Variants in CACNA1A observed in about 807,000 individuals in gnomAD.
CACNA1A encodes voltage-dependent P/Q-type calcium channel subunit alpha-1A.
In CACNA1A, 57 loss-of-function variants were observed where a neutral mutation model predicts 262.4. That is an observed-to-expected ratio of 0.22 (90% CI 0.18 to 0.27). CACNA1A has a LOEUF of 0.27. Among genes scored for constraint, CACNA1A ranks in the 10% least tolerant of loss-of-function variants. The pLI, the probability that CACNA1A is intolerant of heterozygous loss-of-function variation, is 1.00. For missense variants in CACNA1A, 2,526 were observed against 3,562.8 expected (o/e 0.71, Z 7.41); for synonymous variants, 1,431 against 1,419.3 (o/e 1.01, Z -0.18).
At chr19:13,372,610 T>G (rs2059344037) in intron 3 of CACNA1A, among the ~76,000 whole-genome samples, 1 of 152,130 alleles carries the variant, frequency 6.6e-6, no homozygotes, top group South Asian at 2.1e-4. Flanking sequence ...TGCCTCAGTT[T>G]CCCCCTTTTG....
At chr19:13,234,028 C>CGA (rs2055767282) in intron 34 of CACNA1A, among the ~76,000 whole-genome samples, 1 of 113,270 alleles carries the variant, frequency 8.8e-6, no homozygotes, top group Non-Finnish European at 1.7e-5. Context: ...CCAGCCTGGG[C>CGA]AACAGAGAGA....
At chr19:13,434,770 C>G (rs1003463458) in intron 3 of CACNA1A, among the ~76,000 whole-genome samples, 1 of 151,956 alleles carries the variant, frequency 6.6e-6, no homozygotes, top group Non-Finnish European at 1.5e-5. Context: ...TTACCCCAGT[C>G]TCAGGGTTTT....
chr19:13,425,629 C>T (rs1436183895), intron 3 of CACNA1A, among the ~76,000 whole-genome samples: 2 of 152,188 alleles, frequency 1.3e-5, no homozygotes, highest in Non-Finnish European at 2.9e-5. Context: ...GACCTAAATT[C>T]TCAACACATT....
intron 7 of CACNA1A, 81 bp downstream of exon 7, chr19:13,335,725 C>T (rs2058553566): frequency 4.3e-6 from 4 of 930,412 alleles, no homozygotes; most frequent in Admixed American, 4.1e-5. Flanking sequence ...TGAATGAAAA[C>T]AAAGCTTCAA....
At chr19:13,471,987 G>A (rs1370960741) in intron 1 of CACNA1A, among the ~76,000 whole-genome samples, 1 of 152,158 alleles carries the variant, frequency 6.6e-6, no homozygotes, top group African/African-American at 2.4e-5. Context: ...TATTGAGACA[G>A]GATCTCACTC....
At position 13,235,282 on chromosome 19, in the gene CACNA1A, G is replaced by GA; in HGVS notation, c.5068-9dup. The GA allele has an allele frequency of 1.3e-6, 2 of 1,582,566 alleles. No homozygotes were observed. The highest frequency in any genetic ancestry group is 1.8e-5 in the Admixed American group (1 of 54,122). ...ACAGACATAAGGCAGGGCCTGGTGG[G>GA]AAAAAAGGCAATGAAGAAGAGTGCT... On this transcript the variant is annotated splice_polypyrimidine_tract_variant and intron_variant, in intron 32 of 46. Transcript: ENST00000360228.
intron 6 of CACNA1A, among the ~76,000 whole-genome samples, chr19:13,358,914 C>G (rs2059054207): frequency 6.6e-6 from 1 of 152,170 alleles, no homozygotes; most frequent in South Asian, 2.1e-4. Flanking sequence ...GTCCCTTTCT[C>G]TTCTTAGTCA....
At chr19:13,484,834 T>C (rs1311330309) in intron 1 of CACNA1A, among the ~76,000 whole-genome samples, 1 of 152,220 alleles carries the variant, frequency 6.6e-6, no homozygotes, top group Admixed American at 6.5e-5. Context: ...AAGACTCAGT[T>C]TATCAGCACT....
chr19:13,428,641 G>T (rs145292245), intron 3 of CACNA1A, among the ~76,000 whole-genome samples: 1 of 151,996 alleles, frequency 6.6e-6, no homozygotes, highest in Non-Finnish European at 1.5e-5. Context: ...TAAGGAAACC[G>T]CAGGTCAGAG....
At chr19:13,295,270 C>T (rs1199698629) in intron 19 of CACNA1A, among the ~76,000 whole-genome samples, 1 of 152,112 alleles carries the variant, frequency 6.6e-6, no homozygotes, top group African/African-American at 2.4e-5. Context: ...TGTAGAACTA[C>T]GTGGAAACCT....
At chr19:13,403,610 C>G (rs2059948759) in intron 3 of CACNA1A, among the ~76,000 whole-genome samples, 1 of 152,070 alleles carries the variant, frequency 6.6e-6, no homozygotes, top group South Asian at 2.1e-4. Flanking sequence ...TGGATAGGGC[C>G]AGGCTCACAA....
chr19:13,330,130 G>A (rs1451564777), intron 10 of CACNA1A, 114 bp downstream of exon 10: 6 of 669,168 alleles, frequency 9.0e-6, no homozygotes, highest in East Asian at 2.7e-5. Flanking sequence ...GGAAAGGGTG[G>A]AGCTGAGACC....
Position 13,506,265 on chromosome 19 carries a change from C to A in CACNA1A, c.-41G>T, listed in dbSNP as rs1050116827. 2 of 1,405,986 alleles carry A rather than the reference C, an allele frequency of 1.4e-6. No homozygotes were observed. Among genetic ancestry groups the A allele is most frequent in the African/African-American group, 3.0e-5 (2 of 65,744 alleles). 87.1% of individuals were successfully genotyped at this position (1,405,986 alleles called of 1,614,324 possible). Reference sequence around the variant, plus strand: ...GGGCTCCGGGTTACGCTGCGGCGAACGATGCGGAAGACGCCGCCGCCGCCG... The same window carrying A: ...GGGCTCCGGGTTACGCTGCGGCGAAAGATGCGGAAGACGCCGCCGCCGCCG... On this transcript the variant is annotated 5_prime_UTR_variant, in exon 1 of 47. Coordinates refer to ENST00000360228, the MANE Select transcript of CACNA1A (RefSeq NM_001127222.2).
chr19:13,450,014 G>A (rs554007460), intron 3 of CACNA1A, among the ~76,000 whole-genome samples: 35 of 152,046 alleles, frequency 2.3e-4, no homozygotes, highest in Non-Finnish European at 4.3e-4. Flanking sequence ...TGTGGTACAC[G>A]CCTGTAATCC....
At chr19:13,324,373 T>A (rs1271076388) in intron 10 of CACNA1A, among the ~76,000 whole-genome samples, 2 of 152,254 alleles carry the variant, frequency 1.3e-5, no homozygotes, top group Non-Finnish European at 2.9e-5. Flanking sequence ...CATTATTGTG[T>A]ATTTATATTG....
At chr19:13,419,027 G>A (rs1418888860) in intron 3 of CACNA1A, among the ~76,000 whole-genome samples, 1 of 152,106 alleles carries the variant, frequency 6.6e-6, no homozygotes, top group Non-Finnish European at 1.5e-5. Context: ...CCGAATAGCT[G>A]GGATTACAGG....
intron 10 of CACNA1A, among the ~76,000 whole-genome samples, chr19:13,327,178 G>T (rs1346101964): frequency 1.3e-5 from 2 of 152,086 alleles, no homozygotes; most frequent in Non-Finnish European, 2.9e-5. Flanking sequence ...ACCACACCCA[G>T]CCTGTATTGT....
intron 3 of CACNA1A, among the ~76,000 whole-genome samples, chr19:13,448,236 C>T (rs1204150493): frequency 6.6e-6 from 1 of 152,100 alleles, no homozygotes; most frequent in Non-Finnish European, 1.5e-5. Context: ...GGCCATTATC[C>T]TTAGCAAACT....
intron 3 of CACNA1A, among the ~76,000 whole-genome samples, chr19:13,432,307 C>T (rs1180191153): frequency 6.6e-6 from 1 of 151,254 alleles, no homozygotes; most frequent in Non-Finnish European, 1.5e-5. Context: ...CCCAGCTACT[C>T]GGGAGGCTGA....
Sources: gnomAD v4.1 joint callset for allele counts (sites outside exome capture counted in the v4.1 genomes callset) on GRCh38, gnomAD v4.1.1 for gene constraint, MANE v1.5 for transcripts, NCBI Gene and HGNC (gene_info 2026-07-23, HGNC 2026-07-21) for gene names.